Variants in UGGT1 observed in about 807,000 individuals in gnomAD.
UGGT1 encodes the protein UDP-glucose glycoprotein glucosyltransferase 1, also known as UDP-glucose:glycoprotein glucosyltransferase 1.
In UGGT1, 107 loss-of-function variants were observed where a neutral mutation model predicts 203.9. The observed-to-expected ratio is 0.52, with a 90% CI of 0.45 to 0.62. The LOEUF is 0.62. Among genes scored for constraint, UGGT1 ranks in the 20% least tolerant of loss-of-function variants. The pLI is 0.00. For synonymous variants in UGGT1, 628 were observed against 653.5 expected (o/e 0.96, Z 0.59); for missense variants, 1,673 against 1,867.2 (o/e 0.90, Z 1.92).
At chr2:128,112,010 C>T (rs1417159791) in intron 5 of UGGT1, among the ~76,000 whole-genome samples, 2 of 151,024 alleles carry the variant, frequency 1.3e-5, no homozygotes, top group Admixed American at 1.3e-4. Flanking sequence ...TGATGTCGTG[C>T]ACCTGTAGTC....
In UGGT1 at chr2:128,138,755, T is replaced by G; in HGVS notation, c.1622T>G (p.Val541Gly). 6.2e-7 allele frequency: 1 copy of G among 1,614,202 alleles called. No homozygotes were observed. The highest frequency in any genetic ancestry group is 8.5e-7 in the Non-Finnish European group (1 of 1,180,034). ...FIFVVNDSED[V>G]DGMQDAGVAV... Reference sequence around the variant, plus strand: ...TTTGTGGTTAATGACTCTGAAGATGTTGATGGGATGCAAGATGCTGGAGTG... The same window carrying G: ...TTTGTGGTTAATGACTCTGAAGATGGTGATGGGATGCAAGATGCTGGAGTG... Residue 541 changes from valine to glycine, a missense_variant, in exon 16 of 41, where the codon GTT becomes GGT. Physicochemically the swap from Val to Gly is moderately radical, Grantham distance 109. Coordinates refer to ENST00000259253, the MANE Select transcript of UGGT1 (RefSeq NM_020120.4).
chr2:128,135,090 C>G, intron 15 of UGGT1, 129 bp downstream of exon 15: 1 of 760,340 alleles, frequency 1.3e-6, no homozygotes, highest in Non-Finnish European at 2.2e-6. Context: ...GCAATTTTAT[C>G]TTCTGGTCAG....
chr2:128,122,216 C>A (rs923775701), intron 10 of UGGT1, among the ~76,000 whole-genome samples: 2 of 151,454 alleles, frequency 1.3e-5, no homozygotes, highest in African/African-American at 4.8e-5. Context: ...TCAGGTGATC[C>A]ACCCGCCTTG....
At chr2:128,160,721 C>A in intron 24 of UGGT1, 130 bp downstream of exon 24, 1 of 1,320,358 alleles carries the variant, frequency 7.6e-7, no homozygotes, top group African/African-American at 1.5e-5. Context: ...TATGAAGTGC[C>A]ATTGATGTTT....
At chr2:128,129,846 T>G (rs1250876136) in intron 13 of UGGT1, among the ~76,000 whole-genome samples, 2 of 152,218 alleles carry the variant, frequency 1.3e-5, no homozygotes, top group Non-Finnish European at 2.9e-5. Flanking sequence ...ATTGAAAATG[T>G]CACTTTTTAG....
intron 3 of UGGT1, among the ~76,000 whole-genome samples, chr2:128,105,001 A>C (rs1416259654): frequency 6.6e-6 from 1 of 151,616 alleles, no homozygotes; most frequent in Non-Finnish European, 1.5e-5. Flanking sequence ...ACTGCTGCTG[A>C]TGTTAATGGG....
At chr2:128,164,657 A>C in intron 25 of UGGT1, 73 bp from the exon 26 acceptor site, 1 of 1,244,160 alleles carries the variant, frequency 8.0e-7, no homozygotes, top group Non-Finnish European at 1.2e-6. Context: ...ATTTGGGCTG[A>C]TGATATGTTT....
chr2:128,113,126 G>A lies in UGGT1; in HGVS notation c.564G>A (p.Ser188=), dbSNP rs372690412. Residue 188 remains serine, a synonymous_variant, in exon 6 of 41, where the codon TCG becomes TCA. Coordinates refer to ENST00000259253, the MANE Select transcript of UGGT1 (RefSeq NM_020120.4). ...TCAAAGGAGATCACAGATATCCCTC[G>A]TCTAATCCTGAAAGCCCTGTGGTGA... ...LLFKGDHRYP[S]SNPESPVVIF... The A allele has an allele frequency of 7.5e-6, 12 of 1,610,056 alleles. No individual in the cohort carries two copies. In the Admixed American group the frequency reaches 1.3e-4, roughly 18 times the overall value.
intron 34 of UGGT1, among the ~76,000 whole-genome samples, chr2:128,179,267 G>A (rs762935044): frequency 2.6e-5 from 4 of 152,096 alleles, no homozygotes; most frequent in Non-Finnish European, 4.4e-5. Flanking sequence ...AATAACAACC[G>A]AATTTGGTTA....
chr2:128,169,048 TAAAAAAAAAAAAAAAAAAAAAAAAA>T lies in UGGT1; in HGVS notation c.2922-1221_2922-1197del, dbSNP rs544381740. Among the ~76,000 whole-genome samples, 137 of 52,562 alleles carry T rather than the reference TAAAAAAAAAAAAAAAAAAAAAAAAA, an allele frequency of 2.6e-3. 5 individuals are homozygous for T. Among genetic ancestry groups the T allele is most frequent in the African/African-American group, 4.2e-3 (41 of 9,712 alleles). The allele number at this position is 52,562 out of a possible 152,430, so 34.5% of individuals were successfully genotyped here. A position where few individuals can be genotyped will look rare whatever the true frequency, so the allele number is the denominator to read the frequency against. ...GGGTGAATGAGCGAGACTCTGTCTT[TAAAAAAAAAAAAAAAAAAAAAAAAA>T]AAAAAAAAAAAAAAAAAAGACAAGG... On this transcript the variant is annotated intron_variant, in intron 26 of 40. Coordinates refer to ENST00000259253, the MANE Select transcript of UGGT1 (RefSeq NM_020120.4).
rs1008694501 is a variant in UGGT1, at chr2:128,160,506, TG to T, written c.2611del (p.Asp871IlefsTer14). 6.2e-7 allele frequency: 1 copy of T among 1,612,574 alleles called. No homozygotes were observed. The highest frequency in any genetic ancestry group is 1.3e-5 in the African/African-American group (1 of 74,816). ...LFKEVFESSK[M>X]DFILSHAVYC... ...AAAGAGGTCTTTGAGTCTTCCAAAATGGATTTCATTTTGTCTCATGCCGTGT... is the reference window on the plus strand; with the variant it reads ...AAAGAGGTCTTTGAGTCTTCCAAAATGATTTCATTTTGTCTCATGCCGTGT... On this transcript the variant is annotated frameshift_variant, in exon 24 of 41. Transcript: ENST00000259253. LOFTEE classifies it high-confidence loss of function.
intron 2 of UGGT1, among the ~76,000 whole-genome samples, chr2:128,099,491 G>A (rs1250542290): frequency 1.3e-5 from 2 of 152,140 alleles, no homozygotes; most frequent in African/African-American, 4.8e-5. Context: ...CTAGAAAAAT[G>A]TGGATGAAGA....
At chr2:128,112,454 T>TTTTATATATA (rs149422257) in intron 5 of UGGT1, among the ~76,000 whole-genome samples, 16 of 55,804 alleles carry the variant, frequency 2.9e-4, no homozygotes, top group South Asian at 7.4e-4. Flanking sequence ...AAATACTATG[T>TTTTATATATA]TATATATATA....
chr2:128,114,722 T>C (rs2105372777), intron 6 of UGGT1, among the ~76,000 whole-genome samples: 1 of 152,334 alleles, frequency 6.6e-6, no homozygotes, highest in Non-Finnish European at 1.5e-5. Flanking sequence ...TTTCTTATGG[T>C]TGGGACCATA....
intron 13 of UGGT1, among the ~76,000 whole-genome samples, chr2:128,132,435 C>T (rs1057015260): frequency 2.0e-5 from 3 of 152,108 alleles, no homozygotes; most frequent in Non-Finnish European, 4.4e-5. Flanking sequence ...GTAATTCCAG[C>T]TACTCGGGGG....
rs1278977162 is a variant in UGGT1 at position 128,123,266 on chromosome 2, A to G, written c.1134+20A>G. 1.9e-6 allele frequency: 3 copies of G among 1,607,072 alleles called. No homozygotes were observed. The highest frequency in any genetic ancestry group is 2.2e-5 in the South Asian group (2 of 90,234). The stretch of plus-strand genomic sequence containing the variant: ...CAGAAGGTATTCACCGATAGAAAAT[A>G]CTGACCTGTTTTGTATTCTATCTTT... On this transcript the variant is annotated intron_variant, in intron 11 of 40. Coordinates refer to ENST00000259253, the MANE Select transcript of UGGT1 (RefSeq NM_020120.4).
chr2:128,156,501 A>G, intron 21 of UGGT1, 86 bp downstream of exon 21: 7 of 1,033,790 alleles, frequency 6.8e-6, no homozygotes, highest in Non-Finnish European at 1.0e-5. Flanking sequence ...ATCAACACTT[A>G]ATTGTACTGT....
intron 1 of UGGT1, among the ~76,000 whole-genome samples, chr2:128,094,282 T>C (rs976125490): frequency 6.6e-6 from 1 of 152,154 alleles, no homozygotes; most frequent in Non-Finnish European, 1.5e-5. Context: ...TCTGTAACTT[T>C]TGGGGAGAAT....
intron 13 of UGGT1, among the ~76,000 whole-genome samples, chr2:128,130,469 G>A (rs893993938): frequency 5.3e-5 from 8 of 152,038 alleles, no homozygotes; most frequent in East Asian, 1.9e-4. Flanking sequence ...TTTTGATGAA[G>A]ACATTGTTAA....
Sources: gnomAD v4.1 joint callset for allele counts (sites outside exome capture counted in the v4.1 genomes callset) on GRCh38, gnomAD v4.1.1 for gene constraint, MANE v1.5 for transcripts, NCBI Gene and HGNC (gene_info 2026-07-23, HGNC 2026-07-21) for gene names.